The following NEGR1 variants were observed in gnomAD, a reference collection of about 807,000 sequenced individuals.
NEGR1 encodes neuronal growth regulator 1.
In NEGR1, 10 loss-of-function variants were observed where a neutral mutation model predicts 40.9. The ratio of observed to expected loss-of-function variants is 0.24; its 90% CI spans 0.15 to 0.42. NEGR1 has a LOEUF of 0.42. Among genes scored for constraint, NEGR1 ranks in the 10% least tolerant of loss-of-function variants. The pLI is 1.00. For synonymous variants in NEGR1, 185 were observed against 166.8 expected, an observed-to-expected ratio of 1.11 and a Z score of -0.84; for missense variants, 352 against 438.9, an observed-to-expected ratio of 0.80 and a Z score of 1.77.
At chr1:71,611,281 T>C in intron 4 of NEGR1, 135 bp from the exon 5 acceptor site, 4 of 747,100 alleles carry the variant, frequency 5.4e-6, no homozygotes, top group Non-Finnish European at 8.6e-6. Context: ...CATCACATTT[T>C]CAGTGTTTTA....
intron 1 of NEGR1, among the ~76,000 whole-genome samples, chr1:72,068,001 A>C (rs1647319136): frequency 6.6e-6 from 1 of 152,194 alleles, no homozygotes; most frequent in South Asian, 2.1e-4. Context: ...CTGCAAAGGA[A>C]AATAAGCTCT....
At chr1:71,777,317 C>T (rs1215580472) in intron 2 of NEGR1, among the ~76,000 whole-genome samples, 4 of 152,050 alleles carry the variant, frequency 2.6e-5, no homozygotes, top group African/African-American at 9.7e-5. Context: ...AAGTAAGTCA[C>T]TACATGTTAA....
intron 1 of NEGR1, among the ~76,000 whole-genome samples, chr1:72,086,041 C>T (rs1241706374): frequency 3.3e-5 from 5 of 150,836 alleles, no homozygotes; most frequent in East Asian, 3.9e-4. Context: ...ACCTGCAACA[C>T]TGAAAGCTTA....
intron 6 of NEGR1, among the ~76,000 whole-genome samples, chr1:71,525,629 T>C (rs1647207817): frequency 6.6e-6 from 1 of 151,618 alleles, no homozygotes; most frequent in Non-Finnish European, 1.5e-5. Flanking sequence ...AAAAACTTGT[T>C]TCCTGTTCTA....
intron 1 of NEGR1, among the ~76,000 whole-genome samples, chr1:72,134,528 T>G (rs1217016191): frequency 2.0e-5 from 3 of 151,438 alleles, no homozygotes; most frequent in African/African-American, 7.3e-5. Flanking sequence ...TATGAAAAAT[T>G]TATTCAGACT....
intron 1 of NEGR1, among the ~76,000 whole-genome samples, chr1:72,196,708 G>A (rs1230866894): frequency 6.7e-6 from 1 of 150,344 alleles, no homozygotes; most frequent in African/African-American, 2.5e-5. Context: ...AGATTGTAGT[G>A]AGCCAAGATC....
At position 72,249,032 on chromosome 1, in the gene NEGR1, C is replaced by T. The variant is rs1181682364; in HGVS notation, c.176+33287G>A. Among the ~76,000 whole-genome samples the T allele has an allele frequency of 2.6e-5, 4 of 151,990 alleles. No homozygotes were observed. The East Asian group carries it at 5.8e-4, about 22-fold the overall frequency. On this transcript the variant is annotated intron_variant, in intron 1 of 6. Transcript: ENST00000357731. ...TTGCTAGGGTCTTAATGATTGTGTC[C>T]CCCAAAATTCATATGTTGAAACCCA... is the stretch of plus-strand genomic sequence containing the variant.
chr1:72,188,069 A>G (rs1010842541), intron 1 of NEGR1, among the ~76,000 whole-genome samples: 1 of 151,504 alleles, frequency 6.6e-6, no homozygotes, highest in Non-Finnish European at 1.5e-5. Flanking sequence ...TCCTTAAGCT[A>G]AAGGAATGTT....
chr1:72,235,348 C>CTT (rs1306045131), intron 1 of NEGR1, among the ~76,000 whole-genome samples: 1 of 151,932 alleles, frequency 6.6e-6, no homozygotes, highest in Non-Finnish European at 1.5e-5. Flanking sequence ...TGTGGTAGAA[C>CTT]TTTGAAACTT....
At chr1:72,038,990 G>A (rs865989859) in intron 1 of NEGR1, among the ~76,000 whole-genome samples, 41 of 151,980 alleles carry the variant, frequency 2.7e-4, no homozygotes, top group African/African-American at 7.2e-4. Context: ...AGAAAATTTC[G>A]CAGAAGGAAA....
intron 6 of NEGR1, among the ~76,000 whole-genome samples, chr1:71,409,876 G>GAAA (rs1646304246): frequency 2.0e-5 from 3 of 151,934 alleles, no homozygotes; most frequent in Non-Finnish European, 4.4e-5. Flanking sequence ...GCTAGAAAAT[G>GAAA]TACTATAGTA....
intron 5 of NEGR1, among the ~76,000 whole-genome samples, chr1:71,597,861 C>T (rs1230867767): frequency 1.3e-5 from 2 of 151,654 alleles, no homozygotes; most frequent in Admixed American, 6.6e-5. Context: ...TGCAGTGAGC[C>T]GAAATCCTGC....
chr1:71,934,516 G>A (rs557686424), intron 2 of NEGR1, among the ~76,000 whole-genome samples: 2 of 152,232 alleles, frequency 1.3e-5, no homozygotes, highest in Non-Finnish European at 2.9e-5. Context: ...GTAAACAGAG[G>A]TTGGATTGAG....
At chr1:71,726,674 A>G (rs1231474643) in intron 3 of NEGR1, among the ~76,000 whole-genome samples, 1 of 152,026 alleles carries the variant, frequency 6.6e-6, no homozygotes, top group African/African-American at 2.4e-5. Flanking sequence ...TCCAGCATCA[A>G]TATCAATTTT....
intron 6 of NEGR1, among the ~76,000 whole-genome samples, chr1:71,411,866 T>A (rs1203634327): frequency 6.6e-6 from 1 of 152,018 alleles, no homozygotes; most frequent in African/African-American, 2.4e-5. Context: ...CTGGGCATGG[T>A]GTCACACGCT....
At chr1:72,170,026 A>G (rs1385846275) in intron 1 of NEGR1, among the ~76,000 whole-genome samples, 1 of 152,154 alleles carries the variant, frequency 6.6e-6, no homozygotes. Flanking sequence ...TCAGTACTAT[A>G]TATTATTTCA....
intron 1 of NEGR1, among the ~76,000 whole-genome samples, chr1:71,983,236 T>C (rs886971050): frequency 6.6e-6 from 1 of 152,124 alleles, no homozygotes; most frequent in African/African-American, 2.4e-5. Context: ...CTCCAAATTA[T>C]TGAAACTATT....
intron 1 of NEGR1, among the ~76,000 whole-genome samples, chr1:72,020,374 A>G (rs997988896): frequency 6.6e-6 from 1 of 152,166 alleles, no homozygotes; most frequent in Non-Finnish European, 1.5e-5. Flanking sequence ...TATCTTCCAT[A>G]ACGTCAGGAT....
intron 4 of NEGR1, among the ~76,000 whole-genome samples, chr1:71,634,873 T>C (rs934743248): frequency 1.3e-5 from 2 of 152,106 alleles, no homozygotes; most frequent in Non-Finnish European, 2.9e-5. Context: ...TCTCTATGGA[T>C]GAAGGTTGAG....
Sources: gnomAD v4.1 joint callset for allele counts (sites outside exome capture counted in the v4.1 genomes callset) on GRCh38, gnomAD v4.1.1 for gene constraint, MANE v1.5 for transcripts, NCBI Gene and HGNC (gene_info 2026-07-23, HGNC 2026-07-21) for gene names.